Variants in DCAF17 observed in about 807,000 individuals in gnomAD.
DCAF17 encodes the protein DDB1 and CUL4 associated factor 17, also known as DDB1- and CUL4-associated factor 17.
Under a neutral mutation model 66.0 loss-of-function variants are expected in DCAF17, and 48 were observed. The observed-to-expected ratio is 0.73, with a 90% CI of 0.58 to 0.92. The LOEUF is 0.92. Among genes scored for constraint, DCAF17 ranks in the 40% least tolerant of loss-of-function variants. The pLI, the probability that DCAF17 is intolerant of heterozygous loss-of-function variation, is 0.00. For synonymous variants in DCAF17, 206 were observed against 214.6 expected (o/e 0.96, Z 0.35); for missense variants, 562 against 622.8 (o/e 0.90, Z 1.04).
At chr2:171,454,615 G>T (rs1695141806) in intron 6 of DCAF17, among the ~76,000 whole-genome samples, 1 of 152,048 alleles carries the variant, frequency 6.6e-6, no homozygotes, top group Admixed American at 6.5e-5. Context: ...TGTTTGAATT[G>T]GCCTGGTGCA....
chr2:171,469,850 C>T lies in DCAF17; in HGVS notation c.981+820C>T, dbSNP rs544311698. Among the ~76,000 whole-genome samples, 25 of 152,226 alleles carry T rather than the reference C, an allele frequency of 1.6e-4. No homozygotes were observed. The East Asian group carries it at 4.1e-3, about 25-fold the overall frequency. On this transcript the variant is annotated intron_variant, in intron 9 of 13. Transcript: ENST00000375255. ...AGACAGGATCTCACTGTGTCATCCA[C>T]GCTGGAGTACAGTGGCACAATCACA... is the stretch of plus-strand genomic sequence containing the variant.
intron 1 of DCAF17, 184 bp downstream of exon 1, chr2:171,434,887 C>G: frequency 9.2e-7 from 1 of 1,089,562 alleles, no homozygotes; most frequent in Non-Finnish European, 1.3e-6. Flanking sequence ...TTTAGTTTTA[C>G]GCTTCTTATG....
At chr2:171,456,338 C>T (rs1015718284) in intron 6 of DCAF17, among the ~76,000 whole-genome samples, 1 of 152,056 alleles carries the variant, frequency 6.6e-6, no homozygotes, top group Admixed American at 6.6e-5. Context: ...ATTAATATTT[C>T]TGGGTTCTCT....
rs770896326 is a variant in DCAF17, at chr2:171,480,206, C to T, written c.1422+13C>T. 2.7e-5 allele frequency: 43 copies of T among 1,612,210 alleles called. No individual in the cohort carries two copies. Among genetic ancestry groups the T allele is most frequent in the Non-Finnish European group, 2.7e-5 (32 of 1,179,376 alleles). On this transcript the variant is annotated intron_variant, in intron 13 of 13. Coordinates refer to ENST00000375255, the MANE Select transcript of DCAF17 (RefSeq NM_025000.4). Reference sequence around the variant, plus strand: ...GTCATGGGATGTGGTGAGTAGAGTCCGTGGGATACAAAGTTGTAAACCTTT... The same window carrying T: ...GTCATGGGATGTGGTGAGTAGAGTCTGTGGGATACAAAGTTGTAAACCTTT...
At position 171,450,180 on chromosome 2, in the gene DCAF17, C is replaced by T. The variant is rs78939846; in HGVS notation, c.537+223C>T. On this transcript the variant is annotated intron_variant, in intron 5 of 13. Transcript: ENST00000375255. Reference sequence around the variant, plus strand: ...TCTCACTCATAAGTGAGAGCTAAGCCTTGAGGATGCAAAGGCATAAGAATG... The same window carrying T: ...TCTCACTCATAAGTGAGAGCTAAGCTTTGAGGATGCAAAGGCATAAGAATG... 102,164 of 462,596 alleles carry T rather than the reference C, an allele frequency of 0.22. 11,790 individuals carry two copies. The highest frequency in any genetic ancestry group is 0.3 in the Admixed American group (8,948 of 29,442). The allele number at this position is 462,596 out of a possible 1,614,324, so 28.7% of individuals were successfully genotyped here.
intron 2 of DCAF17, among the ~76,000 whole-genome samples, chr2:171,436,418 G>A (rs1693957101): frequency 6.6e-6 from 1 of 152,158 alleles, no homozygotes; most frequent in African/African-American, 2.4e-5. Context: ...TTCTAAAGTG[G>A]TAGTACCATT....
In DCAF17 at chr2:171,449,915, A is replaced by G. The variant is rs2105753390; in HGVS notation, c.495A>G (p.Ala165=). 2 of 1,613,888 alleles carry G rather than the reference A, an allele frequency of 1.2e-6. No homozygotes were observed. The highest frequency in any genetic ancestry group is 8.5e-7 in the Non-Finnish European group (1 of 1,179,814). The change falls in exon 5 of 14, where the codon GCA becomes GCG. Residue 165 remains alanine (A), a synonymous_variant. Transcript: ENST00000375255. ...GGGACACTCCTCAAGAAGTCATTGC[A>G]GTTAAGTCAGCTCAGAACAGAGGCT... ...LSWDTPQEVI[A]VKSAQNRGSA... is the part of the protein sequence containing the mutation.
intron 8 of DCAF17, among the ~76,000 whole-genome samples, chr2:171,463,646 C>T (rs954021090): frequency 2.0e-5 from 3 of 152,150 alleles, no homozygotes; most frequent in Non-Finnish European, 4.4e-5. Context: ...TTAACCAGTT[C>T]CCTACTTTGG....
chr2:171,446,109 G>A (rs890265849), intron 3 of DCAF17, among the ~76,000 whole-genome samples: 10 of 152,034 alleles, frequency 6.6e-5, no homozygotes, highest in African/African-American at 2.4e-4. Flanking sequence ...AAATCTTATA[G>A]CCAGTATTTT....
rs74809805 is a variant in DCAF17 at position 171,462,466 on chromosome 2, G to T, written c.838+3989G>T. Among the ~76,000 whole-genome samples, 227 of 152,232 alleles carry T rather than the reference G, an allele frequency of 1.5e-3. 4 individuals are homozygous for T. In the East Asian group the frequency reaches 0.016, roughly 11 times the overall value. On this transcript the variant is annotated intron_variant, in intron 8 of 13. Transcript: ENST00000375255. ...TGACTTTTAATTAGGGGAGTGCAAA[G>T]CTCAATGTCACTGATAAGACAAATG...
In DCAF17 at chr2:171,484,536, T is replaced by C; in HGVS notation, c.*3422T>C. 1 of 452,322 alleles carries C rather than the reference T, an allele frequency of 2.2e-6. No individual in the cohort carries two copies. The highest frequency in any genetic ancestry group is 4.4e-6 in the Non-Finnish European group (1 of 226,230). The allele number at this position is 452,322 out of a possible 1,614,324, so 28.0% of individuals were successfully genotyped here. A position where few individuals can be genotyped will look rare whatever the true frequency, so the allele number is the denominator to read the frequency against. On this transcript the variant is annotated 3_prime_UTR_variant, in exon 14 of 14. Coordinates refer to ENST00000375255, the MANE Select transcript of DCAF17 (RefSeq NM_025000.4). ...TTGCTGATATACTTCCCCCTAGTAC[T>C]TCAACTGCAGATTATTAACTAGAGT...
At chr2:171,445,425 C>T (rs912606649) in intron 3 of DCAF17, among the ~76,000 whole-genome samples, 7 of 151,928 alleles carry the variant, frequency 4.6e-5, no homozygotes, top group Admixed American at 1.3e-4. Context: ...ATGCCCGGTC[C>T]GTATTCTCAC....
At chr2:171,455,346 T>C (rs914995044) in intron 6 of DCAF17, among the ~76,000 whole-genome samples, 1 of 152,210 alleles carries the variant, frequency 6.6e-6, no homozygotes, top group Non-Finnish European at 1.5e-5. Flanking sequence ...CTTGTTCTTT[T>C]TGTGGCTGCA....
Position 171,482,808 on chromosome 2 carries a change from G to C in DCAF17, c.*1694G>C. ...AATTCCTGGCTGCTTTTTTGCTGGGGGTAGATGGTGGAATACTTCTGGTCT... is the reference window on the plus strand; with the variant it reads ...AATTCCTGGCTGCTTTTTTGCTGGGCGTAGATGGTGGAATACTTCTGGTCT... On this transcript the variant is annotated 3_prime_UTR_variant, in exon 14 of 14. Transcript: ENST00000375255. 2.2e-6 allele frequency: 1 copy of C among 453,804 alleles called. No homozygotes were observed. Among genetic ancestry groups the C allele is most frequent in the Non-Finnish European group, 4.4e-6 (1 of 226,720 alleles). The allele number at this position is 453,804 out of a possible 1,614,324, so 28.1% of individuals were successfully genotyped here. A position where few individuals can be genotyped will look rare whatever the true frequency, so the allele number is the denominator to read the frequency against.
chr2:171,483,931 AT>A lies in DCAF17; in HGVS notation c.*2821del. On this transcript the variant is annotated 3_prime_UTR_variant, in exon 14 of 14. Coordinates refer to ENST00000375255, the MANE Select transcript of DCAF17 (RefSeq NM_025000.4). Reference sequence around the variant, plus strand: ...AAGTTCTCAAAAGGCAAGGCATGTTATTTTATCCCAATTTAGCATACCAACA... The same window carrying A: ...AAGTTCTCAAAAGGCAAGGCATGTTATTTATCCCAATTTAGCATACCAACA... The A allele has an allele frequency of 2.2e-6, 1 of 454,070 alleles. No individual in the cohort carries two copies. Among genetic ancestry groups the A allele is most frequent in the South Asian group, 1.6e-5 (1 of 64,470 alleles). 28.1% of individuals were successfully genotyped at this position (454,070 alleles called of 1,614,324 possible).
rs149597381 is a variant in DCAF17, at chr2:171,455,130, C to CCCACCCTCCACCCT, written c.627+1927_627+1940dup. On this transcript the variant is annotated intron_variant, in intron 6 of 13. Transcript: ENST00000375255. ...TATTTTTCCTGATCCTTTCCCTCCT[C>CCCACCCTCCACCCT]CCACCCTCCACCCTCCACCCTCCGA... 4.1e-5 allele frequency among the ~76,000 whole-genome samples: 6 copies of CCCACCCTCCACCCT among 148,028 alleles called. No homozygotes were observed. In the East Asian group the frequency reaches 1.3e-3, roughly 31 times the overall value.
In DCAF17 at chr2:171,480,960, G is replaced by A. The variant is rs1300750370; in HGVS notation, c.1423-14G>A. 6 of 1,613,478 alleles carry A rather than the reference G, an allele frequency of 3.7e-6. No individual in the cohort carries two copies. In the Admixed American group the frequency reaches 5.0e-5, roughly 13 times the overall value. ...TGTGTGAAAAGGACTCCATATGATTGTGTTTTGTTACAGACATATAGCCAT... is the reference window on the plus strand; with the variant it reads ...TGTGTGAAAAGGACTCCATATGATTATGTTTTGTTACAGACATATAGCCAT... On this transcript the variant is annotated splice_polypyrimidine_tract_variant and intron_variant, in intron 13 of 13. Transcript: ENST00000375255.
intron 2 of DCAF17, among the ~76,000 whole-genome samples, chr2:171,436,417 G>A (rs1399971260): frequency 6.6e-6 from 1 of 152,168 alleles, no homozygotes; most frequent in Admixed American, 6.5e-5. Flanking sequence ...TTTCTAAAGT[G>A]GTAGTACCAT....
chr2:171,478,580 C>A (rs1696606224), intron 12 of DCAF17, among the ~76,000 whole-genome samples: 1 of 152,174 alleles, frequency 6.6e-6, no homozygotes, highest in African/African-American at 2.4e-5. Flanking sequence ...TATCCCCTTC[C>A]TTTAAAAAGG....
Sources: gnomAD v4.1 joint callset for allele counts (sites outside exome capture counted in the v4.1 genomes callset) on GRCh38, gnomAD v4.1.1 for gene constraint, MANE v1.5 for transcripts, NCBI Gene and HGNC (gene_info 2026-07-23, HGNC 2026-07-21) for gene names.